TNRC6B: variants seen among roughly 807,000 people sequenced by gnomAD.
TNRC6B encodes the protein trinucleotide repeat containing adaptor 6B.
In TNRC6B, 52 loss-of-function variants were observed where a neutral mutation model predicts 203.6. That is an observed-to-expected ratio of 0.26 (90% CI 0.20 to 0.32). The LOEUF (loss-of-function observed/expected upper bound fraction) is 0.32. TNRC6B is among the 10% of genes least tolerant of loss of function. The pLI, the probability that TNRC6B is intolerant of heterozygous loss-of-function variation, is 1.00. For synonymous variants in TNRC6B, 838 were observed against 845.7 expected (o/e 0.99, Z 0.16); for missense variants, 1,923 against 2,286.2 (o/e 0.84, Z 3.24).
chr22:40,106,964 C>G (rs1053336091), intron 1 of TNRC6B: 2 of 1,188,166 alleles, frequency 1.7e-6, no homozygotes, highest in Non-Finnish European at 1.2e-6. Context: ...AAACTTCTTT[C>G]TCAGGCGCTT....
intron 3 of TNRC6B, among the ~76,000 whole-genome samples, chr22:40,130,779 TAAAAAAAAAA>T (rs200268757): frequency 4.6e-5 from 3 of 65,042 alleles, no homozygotes; most frequent in South Asian, 1.1e-3. Flanking sequence ...AGACTCCGTC[TAAAAAAAAAA>T]AAAAAAAAAA....
At chr22:40,300,774 C>T (rs995439116) in intron 13 of TNRC6B, 136 bp from the exon 14 acceptor site, 17 of 1,208,542 alleles carry the variant, frequency 1.4e-5, no homozygotes, top group South Asian at 3.1e-5. Flanking sequence ...ACCAAGAGAC[C>T]GGGAATTTGG....
chr22:40,283,650 A>G (rs931523301), intron 11 of TNRC6B, among the ~76,000 whole-genome samples: 2 of 152,054 alleles, frequency 1.3e-5, no homozygotes, highest in African/African-American at 4.8e-5. Context: ...GGACTTACCT[A>G]TATTATTGTC....
At chr22:40,058,211 A>G (rs2067817217) in intron 1 of TNRC6B, among the ~76,000 whole-genome samples, 1 of 152,226 alleles carries the variant, frequency 6.6e-6, no homozygotes, top group South Asian at 2.1e-4. Context: ...CAGAGGGGAA[A>G]ATACTACTTT....
At chr22:40,126,006 T>G in intron 3 of TNRC6B, 1 of 868,416 alleles carries the variant, frequency 1.2e-6, no homozygotes. Flanking sequence ...AGAAATATTT[T>G]TTCTTTTCAG....
rs1238917769 is a variant in TNRC6B, at chr22:40,328,933, A to G, written c.*5692A>G. ...TGAGATAAATTTTTCGCTGGTTAAA[A>G]AAAATCAAACTTTCCTCTGCAGTGT... On this transcript the variant is annotated 3_prime_UTR_variant, in exon 23 of 23. Transcript: ENST00000454349. The G allele has an allele frequency of 6.6e-6, 1 of 152,600 alleles. No individual in the cohort carries two copies. Among genetic ancestry groups the G allele is most frequent in the Non-Finnish European group, 1.5e-5 (1 of 68,006 alleles). The allele number at this position is 152,600 out of a possible 1,614,324, so 9.5% of individuals were successfully genotyped here.
intron 19 of TNRC6B, among the ~76,000 whole-genome samples, chr22:40,313,927 A>T (rs1288546492): frequency 1.3e-5 from 2 of 152,226 alleles, no homozygotes; most frequent in African/African-American, 4.8e-5. Flanking sequence ...CTGAGAGCAG[A>T]TATAACTTGC....
chr22:40,143,652 A>G (rs559361529), intron 3 of TNRC6B, among the ~76,000 whole-genome samples: 6 of 151,894 alleles, frequency 4.0e-5, no homozygotes, highest in Admixed American at 6.6e-5. Context: ...GCCCACCACC[A>G]CGCCCCGCTA....
intron 12 of TNRC6B, among the ~76,000 whole-genome samples, chr22:40,287,754 G>A (rs772515744): frequency 1.3e-5 from 2 of 152,226 alleles, no homozygotes; most frequent in Non-Finnish European, 2.9e-5. Context: ...ATCGTGCACA[G>A]ATGGAGAAAA....
At chr22:40,279,619 C>T (rs2070697648) in intron 9 of TNRC6B, among the ~76,000 whole-genome samples, 1 of 152,144 alleles carries the variant, frequency 6.6e-6, no homozygotes, top group Non-Finnish European at 1.5e-5. Flanking sequence ...AACTTCTCTC[C>T]CTGAGGACAT....
At chr22:40,281,092 G>A (rs1219065192) in intron 10 of TNRC6B, 27 bp from the exon 11 acceptor site, 2 of 1,523,288 alleles carry the variant, frequency 1.3e-6, no homozygotes, top group Admixed American at 2.1e-5. Flanking sequence ...CACTCGTTGT[G>A]ATTGGCTAAC....
chr22:40,315,433 C>T lies in TNRC6B; in HGVS notation c.4829C>T (p.Pro1610Leu), dbSNP rs764016370. 1 of 1,613,996 alleles carries T rather than the reference C, an allele frequency of 6.2e-7. No individual in the cohort carries two copies. Among genetic ancestry groups the T allele is most frequent in the Non-Finnish European group, 8.5e-7 (1 of 1,179,882 alleles). The change falls in exon 20 of 23, where the codon CCA becomes CTA. Residue 1610 changes from proline to leucine, a missense_variant. By Grantham distance (98) the Pro-to-Leu change is moderately conservative. Transcript: ENST00000454349. ...CCTCCTGGTCTGACCAACCCCAAAC[C>T]ATCATCTCCCTGGAGCAGCACAGCA... ...RPPPGLTNPK[P>L]SSPWSSTAPR...
chr22:40,140,968 C>A (rs1413767967), intron 3 of TNRC6B, among the ~76,000 whole-genome samples: 1 of 151,984 alleles, frequency 6.6e-6, no homozygotes, highest in African/African-American at 2.4e-5. Context: ...ATTCTTTATT[C>A]TTGTAGTTTT....
intron 1 of TNRC6B, among the ~76,000 whole-genome samples, chr22:40,180,486 C>T (rs879731268): frequency 6.6e-6 from 1 of 152,138 alleles, no homozygotes. Context: ...ATATTCTTTT[C>T]CCCTGGATAA....
intron 3 of TNRC6B, among the ~76,000 whole-genome samples, chr22:40,130,779 T>TCAAAAAAA (rs1555884426): frequency 6.2e-5 from 4 of 65,036 alleles, no homozygotes; most frequent in African/African-American, 2.6e-4. Context: ...AGACTCCGTC[T>TCAAAAAAA]AAAAAAAAAA....
chr22:40,072,726 T>C (rs2067961954), intron 1 of TNRC6B, among the ~76,000 whole-genome samples: 1 of 151,826 alleles, frequency 6.6e-6, no homozygotes, highest in Non-Finnish European at 1.5e-5. Context: ...TAGCCGGGCA[T>C]GGTGGCACGT....
intron 21 of TNRC6B, among the ~76,000 whole-genome samples, chr22:40,319,930 C>G (rs922481101): frequency 6.6e-6 from 1 of 152,178 alleles, no homozygotes; most frequent in African/African-American, 2.4e-5. Context: ...TAAAATTTAT[C>G]TAGAGAGCAT....
chr22:40,265,747 T>C lies in TNRC6B; in HGVS notation c.1517T>C (p.Val506Ala). 6.2e-7 allele frequency: 1 copy of C among 1,613,722 alleles called. No individual in the cohort carries two copies. The highest frequency in any genetic ancestry group is 1.3e-5 in the African/African-American group (1 of 74,936). Reference sequence around the variant, plus strand: ...GAAGGGAACAAAATGACATCTGGGGTCTCTCAGGGAGAATGGAAACAGCCG... The same window carrying C: ...GAAGGGAACAAAATGACATCTGGGGCCTCTCAGGGAGAATGGAAACAGCCG... ...WGEGNKMTSG[V>A]SQGEWKQPTG... Residue 506 changes from valine (V) to alanine (A), a missense_variant, in exon 5 of 23, where the codon GTC becomes GCC. Transcript: ENST00000454349.
chr22:40,231,908 G>A (rs2069876021), intron 1 of TNRC6B, among the ~76,000 whole-genome samples: 1 of 152,156 alleles, frequency 6.6e-6, no homozygotes, highest in Non-Finnish European at 1.5e-5. Flanking sequence ...AGAGAATATT[G>A]ACTTCTTTTC....
Sources: gnomAD v4.1 joint callset for allele counts (sites outside exome capture counted in the v4.1 genomes callset) on GRCh38, gnomAD v4.1.1 for gene constraint, MANE v1.5 for transcripts, NCBI Gene and HGNC (gene_info 2026-07-23, HGNC 2026-07-21) for gene names.